RNF14: variants seen among roughly 807,000 people sequenced by gnomAD.
RNF14 encodes E3 ubiquitin-protein ligase RNF14.
A neutral mutation model predicts 52.6 loss-of-function variants in RNF14; 26 were observed. The ratio of observed to expected loss-of-function variants is 0.49; its 90% CI spans 0.36 to 0.69. RNF14 has a LOEUF of 0.69. Ranked by LOEUF, RNF14 falls within the 30% of genes least tolerant of loss-of-function variation. The pLI, the probability that RNF14 is intolerant of heterozygous loss-of-function variation, is 0.00. For synonymous variants in RNF14, 194 were observed against 202.0 expected, an observed-to-expected ratio of 0.96 and a Z score of 0.34; for missense variants, 404 against 560.4, an observed-to-expected ratio of 0.72 and a Z score of 2.82.
chr5:141,979,955 C>T (rs1754617972), intron 5 of RNF14, among the ~76,000 whole-genome samples, 168 bp from the exon 6 acceptor site: 1 of 152,064 alleles, frequency 6.6e-6, no homozygotes, highest in Admixed American at 6.5e-5. Context: ...AATGTGTAGA[C>T]CCCTATAATT....
At chr5:141,972,310 G>T (rs528425109) in intron 2 of RNF14, among the ~76,000 whole-genome samples, 169 of 150,674 alleles carry the variant, frequency 1.1e-3, no homozygotes, top group African/African-American at 3.6e-3. Context: ...GCTCACTGCA[G>T]CCTCGACCTC....
chr5:141,980,659 G>A (rs1431642824), intron 6 of RNF14, among the ~76,000 whole-genome samples: 1 of 134,916 alleles, frequency 7.4e-6, no homozygotes, highest in Non-Finnish European at 1.6e-5. Context: ...TGAAGGGGAG[G>A]GGACTTGGGA....
chr5:141,961,801 G>A (rs879310591), intron 1 of RNF14, among the ~76,000 whole-genome samples: 1 of 152,060 alleles, frequency 6.6e-6, no homozygotes, highest in African/African-American at 2.4e-5. Context: ...GAACCTTGAG[G>A]GGTCAGACTA....
intron 5 of RNF14, 131 bp from the exon 6 acceptor site, chr5:141,979,992 T>G: frequency 1.4e-6 from 1 of 705,074 alleles, no homozygotes; most frequent in East Asian, 2.5e-5. Flanking sequence ...TGTACTTGGT[T>G]TGATTTTGAA....
upstream of RNF14, chr5:141,956,542 A>G (rs762166237): frequency 1.9e-6 from 3 of 1,614,188 alleles, no homozygotes; most frequent in South Asian, 3.3e-5. Flanking sequence ...TAAGGGCTGG[A>G]GTCCTTGGTC....
At chr5:141,983,206 T>A (rs1377533232) in intron 6 of RNF14, among the ~76,000 whole-genome samples, 174 bp from the exon 7 acceptor site, 1 of 152,222 alleles carries the variant, frequency 6.6e-6, no homozygotes, top group East Asian at 1.9e-4. Flanking sequence ...CTTAGAAATT[T>A]AATTTTTTTG....
At chr5:141,982,123 A>G (rs72796058) in intron 6 of RNF14, among the ~76,000 whole-genome samples, 9,932 of 152,318 alleles carry the variant, frequency 0.065, 381 homozygotes, top group Non-Finnish European at 0.088. Flanking sequence ...AGTGTTTCAC[A>G]GCATTCAGGG....
At chr5:141,985,243 C>T (rs981220258) in intron 8 of RNF14, among the ~76,000 whole-genome samples, 3 of 152,198 alleles carry the variant, frequency 2.0e-5, no homozygotes, top group African/African-American at 7.2e-5. Context: ...GTTCCCTTAA[C>T]ATTTTTACTG....
chr5:141,973,277 C>T (rs968302149), intron 2 of RNF14, among the ~76,000 whole-genome samples: 3 of 132,226 alleles, frequency 2.3e-5, no homozygotes, highest in Admixed American at 8.6e-5. Context: ...TCACTCTTGT[C>T]GCCCAGGCTG....
chr5:141,971,095 A>C (rs1753703877), intron 2 of RNF14, among the ~76,000 whole-genome samples: 1 of 152,244 alleles, frequency 6.6e-6, no homozygotes, highest in Non-Finnish European at 1.5e-5. Flanking sequence ...GGATATTTGC[A>C]AATGCAATTG....
chr5:141,978,168 G>T, intron 4 of RNF14, 135 bp from the exon 5 acceptor site: 1 of 705,396 alleles, frequency 1.4e-6, no homozygotes. Context: ...ATGTAGCACA[G>T]TGTATCACAG....
At chr5:141,953,690 A>G (rs1360573112), upstream of RNF14, among the ~76,000 whole-genome samples, 3 of 152,228 alleles carry the variant, frequency 2.0e-5, no homozygotes, top group Non-Finnish European at 4.4e-5. Context: ...CACAGAGTTT[A>G]TCCAAAAAGC....
chr5:141,974,780 TTCTAA>T lies in RNF14; in HGVS notation c.155-20_155-16del. ...ACTCAAGTGTTGACCAACTGATCCT[TTCTAA>T]TCTTTGTTTTTGGTTCAGGCAATTC... On this transcript the variant is annotated intron_variant, in intron 3 of 8. Transcript: ENST00000394520. 1 of 1,613,102 alleles carries T rather than the reference TTCTAA, an allele frequency of 6.2e-7. No individual in the cohort carries two copies.
At chr5:141,973,778 A>G (rs1754006685) in intron 3 of RNF14, 36 bp downstream of exon 3, 3 of 1,532,646 alleles carry the variant, frequency 2.0e-6, no homozygotes, top group Admixed American at 4.0e-5. Context: ...TTTTTCTATT[A>G]TTCTTTATTT....
chr5:141,954,618 C>T (rs1753143954), upstream of RNF14, among the ~76,000 whole-genome samples: 1 of 152,204 alleles, frequency 6.6e-6, no homozygotes. Context: ...AAAGCTTATA[C>T]TCTTAATCAC....
chr5:141,984,288 G>T (rs561268405), intron 7 of RNF14, among the ~76,000 whole-genome samples: 120 of 152,120 alleles, frequency 7.9e-4, no homozygotes, highest in African/African-American at 2.6e-3. Context: ...AGTAGAGACA[G>T]GGTTTCACCA....
At chr5:141,949,602 A>G in the RNF14 span, 1 of 1,610,726 alleles carries the variant, frequency 6.2e-7, no homozygotes, top group African/African-American at 1.3e-5. Flanking sequence ...GAAACCAACC[A>G]GTCCATGGGT....
In RNF14 at chr5:141,974,798, G is replaced by A; in HGVS notation, c.155-6G>A. ...TGATCCTTTCTAATCTTTGTTTTTG[G>A]TTCAGGCAATTCAAATGAGTGTCTC... On this transcript the variant is annotated splice_polypyrimidine_tract_variant and splice_region_variant and intron_variant, in intron 3 of 8. Coordinates refer to ENST00000394520, the MANE Select transcript of RNF14 (RefSeq NM_004290.5). 6.2e-7 allele frequency: 1 copy of A among 1,613,512 alleles called. No individual in the cohort carries two copies. Among genetic ancestry groups the A allele is most frequent in the Non-Finnish European group, 8.5e-7 (1 of 1,179,702 alleles).
chr5:141,983,698 T>C, intron 7 of RNF14, 146 bp downstream of exon 7: 1 of 681,532 alleles, frequency 1.5e-6, no homozygotes. Flanking sequence ...GAAATTTCAC[T>C]ATTAGATCTT....
Sources: gnomAD v4.1 joint callset for allele counts (sites outside exome capture counted in the v4.1 genomes callset) on GRCh38, gnomAD v4.1.1 for gene constraint, MANE v1.5 for transcripts, NCBI Gene and HGNC (gene_info 2026-07-23, HGNC 2026-07-21) for gene names.